CALD1: variants seen among roughly 807,000 people sequenced by gnomAD.
CALD1 encodes the protein caldesmon 1, also known as caldesmon.
In CALD1, 33 loss-of-function variants were observed where a neutral mutation model predicts 99.9. That is an observed-to-expected ratio of 0.33 (90% CI 0.25 to 0.44). The LOEUF (loss-of-function observed/expected upper bound fraction) is 0.44, where lower values mean the gene tolerates loss of function less well. Among genes scored for constraint, CALD1 ranks in the 20% least tolerant of loss-of-function variants. The pLI is 1.00. For synonymous variants in CALD1, 310 were observed against 325.0 expected, an observed-to-expected ratio of 0.95 and a Z score of 0.50; for missense variants, 861 against 962.1, an observed-to-expected ratio of 0.89 and a Z score of 1.39.
intron 3 of CALD1, among the ~76,000 whole-genome samples, chr7:134,916,334 AGAGG>A (rs1253553164): frequency 6.6e-6 from 1 of 152,198 alleles, no homozygotes; most frequent in Non-Finnish European, 1.5e-5. Flanking sequence ...GAGGGGTACA[AGAGG>A]GAGGAACAAG....
At chr7:134,958,385 C>T (rs1807939559) in intron 11 of CALD1, 95 bp downstream of exon 11, 1 of 903,710 alleles carries the variant, frequency 1.1e-6, no homozygotes, top group Non-Finnish European at 1.8e-6. Flanking sequence ...TAATCAAGTC[C>T]AATAGCCCCA....
chr7:134,963,659 T>G (rs781064143), intron 13 of CALD1, among the ~76,000 whole-genome samples: 1 of 152,206 alleles, frequency 6.6e-6, no homozygotes. Context: ...CTTATCCAAA[T>G]GAAATTAATT....
chr7:134,891,435 G>T (rs867614112), intron 3 of CALD1: 9 of 1,314,920 alleles, frequency 6.8e-6, no homozygotes, highest in Non-Finnish European at 8.8e-6. Context: ...CTGAGGACAA[G>T]CCCAGACTTT....
intron 1 of CALD1, among the ~76,000 whole-genome samples, chr7:134,752,799 G>A (rs563750445): frequency 3.0e-4 from 45 of 152,022 alleles, no homozygotes; most frequent in Middle Eastern, 3.4e-3. Context: ...TAAGGAGTTC[G>A]AGACCAGCCT....
intron 3 of CALD1, among the ~76,000 whole-genome samples, chr7:134,876,987 G>T (rs1215656356): frequency 2.0e-5 from 3 of 152,158 alleles, no homozygotes; most frequent in Non-Finnish European, 4.4e-5. Flanking sequence ...GATTCAAAAT[G>T]GTTGTTCTAC....
At chr7:134,891,747 A>T (rs1183006147) in intron 3 of CALD1, 19 of 29,336 alleles carry the variant, frequency 6.5e-4, no homozygotes, top group African/African-American at 1.8e-3. Context: ...AATTGTTGTA[A>T]AAAAAAAAAA....
intron 1 of CALD1, among the ~76,000 whole-genome samples, chr7:134,781,633 T>C (rs1797108423): frequency 6.6e-6 from 1 of 152,128 alleles, no homozygotes; most frequent in Non-Finnish European, 1.5e-5. Context: ...ATTTCAGAAA[T>C]ATAATCACAA....
At chr7:134,906,961 G>A (rs374134379) in intron 3 of CALD1, among the ~76,000 whole-genome samples, 6 of 152,112 alleles carry the variant, frequency 3.9e-5, no homozygotes, top group Non-Finnish European at 7.4e-5. Flanking sequence ...GTGGTGTCCC[G>A]GTTCTGAATA....
intron 1 of CALD1, among the ~76,000 whole-genome samples, chr7:134,786,322 A>T (rs1797304441): frequency 6.6e-6 from 1 of 152,056 alleles, no homozygotes; most frequent in Admixed American, 6.5e-5. Flanking sequence ...TATTTAAAAG[A>T]GTTATTGAAT....
chr7:134,784,580 T>C (rs932406810), intron 1 of CALD1, among the ~76,000 whole-genome samples: 1 of 152,100 alleles, frequency 6.6e-6, no homozygotes, highest in Non-Finnish European at 1.5e-5. Flanking sequence ...AGTGTATGGA[T>C]GAATAAGGTG....
intron 3 of CALD1, among the ~76,000 whole-genome samples, chr7:134,871,801 ATAATT>A (rs894423761): frequency 2.6e-4 from 39 of 152,218 alleles, no homozygotes; most frequent in Non-Finnish European, 5.3e-4. Context: ...GAAATGATAA[ATAATT>A]TAAAACTTGT....
chr7:134,791,715 C>G (rs1389892077), intron 1 of CALD1, among the ~76,000 whole-genome samples: 2 of 152,188 alleles, frequency 1.3e-5, no homozygotes, highest in South Asian at 2.1e-4. Context: ...TCATCTTCTC[C>G]TAACTATCAT....
intron 1 of CALD1, among the ~76,000 whole-genome samples, chr7:134,753,569 A>G (rs971822651): frequency 3.3e-5 from 5 of 152,304 alleles, no homozygotes; most frequent in Admixed American, 3.3e-4. Context: ...TAGTTTTCTT[A>G]AAGCACACCA....
intron 3 of CALD1, among the ~76,000 whole-genome samples, chr7:134,871,095 C>G (rs62479518): frequency 0.086 from 13,077 of 152,182 alleles, 693 homozygotes; most frequent in South Asian, 0.25. Context: ...GCTTCCTCCT[C>G]TAAAATAAGA....
At chr7:134,821,580 C>T (rs895163431) in intron 1 of CALD1, among the ~76,000 whole-genome samples, 1 of 145,248 alleles carries the variant, frequency 6.9e-6, no homozygotes, top group Non-Finnish European at 1.5e-5. Flanking sequence ...AAAGAGTCAA[C>T]GACATTTTTT....
At position 134,784,444 on chromosome 7, in the gene CALD1, G is replaced by T. The variant is rs568493242; in HGVS notation, c.-130+4695G>T. 6.6e-5 allele frequency among the ~76,000 whole-genome samples: 10 copies of T among 152,306 alleles called. No individual in the cohort carries two copies. The South Asian group carries it at 1.9e-3, about 28-fold the overall frequency. ...GGCATCAAAGATATTAGTTCCACTG[G>T]GGTCAGGAGGACCAGTCTAAGCCAG... On this transcript the variant is annotated intron_variant, in intron 1 of 14. Transcript: ENST00000361675.
intron 3 of CALD1, among the ~76,000 whole-genome samples, chr7:134,906,229 C>T (rs532310756): frequency 6.6e-6 from 1 of 152,078 alleles, no homozygotes; most frequent in Non-Finnish European, 1.5e-5. Context: ...CATGCCTGGC[C>T]GGACTTCTCT....
intron 3 of CALD1, among the ~76,000 whole-genome samples, chr7:134,911,205 T>C (rs891262789): frequency 1.3e-5 from 2 of 150,324 alleles, no homozygotes; most frequent in African/African-American, 4.9e-5. Context: ...TTTCTTTTTT[T>C]TTTTTTTTTT....
chr7:134,827,575 C>T (rs1333585267), intron 1 of CALD1, among the ~76,000 whole-genome samples: 1 of 152,208 alleles, frequency 6.6e-6, no homozygotes, highest in Non-Finnish European at 1.5e-5. Flanking sequence ...AAACCCAGAT[C>T]TGCCTGACTT....
Sources: allele counts gnomAD v4.1 joint callset (sites outside exome capture counted in the v4.1 genomes callset), GRCh38; gene constraint gnomAD v4.1.1; transcripts MANE v1.5; gene names NCBI Gene and HGNC (gene_info 2026-07-23, HGNC 2026-07-21).